GTF2H5: variants seen among roughly 807,000 people sequenced by gnomAD.
The protein encoded by GTF2H5 is TFB5 ortholog.
A neutral mutation model predicts 7.1 loss-of-function variants in GTF2H5; 5 were observed. The ratio of observed to expected loss-of-function variants is 0.71; its 90% CI spans 0.37 to 1.49. The LOEUF is 1.49. GTF2H5 is among the 40% of genes most tolerant of loss of function. The probability of loss-of-function intolerance (pLI) is 0.03; values close to 1 mark genes in which losing one functional copy is unlikely to be tolerated. For missense variants in GTF2H5, 80 were observed against 83.0 expected (o/e 0.96, Z 0.14); for synonymous variants, 30 against 31.7 (o/e 0.95, Z 0.18).
chr6:158,194,006 A>G lies in GTF2H5; in HGVS notation c.*1849A>G, dbSNP rs1777069138. The G allele has an allele frequency of 6.6e-6, 1 of 151,876 alleles. No individual in the cohort carries two copies. The allele number at this position is 151,876 out of a possible 1,614,324, so 9.4% of individuals were successfully genotyped here. On this transcript the variant is annotated 3_prime_UTR_variant, in exon 3 of 3. Coordinates refer to ENST00000607778, the MANE Select transcript of GTF2H5 (RefSeq NM_207118.3). Reference sequence around the variant, plus strand: ...TCCATCTCAAAAAAAAAAAAAAAAAAAAATGAATTTCCAGCTATACCAAAA... The same window carrying G: ...TCCATCTCAAAAAAAAAAAAAAAAAGAAATGAATTTCCAGCTATACCAAAA...
At position 158,196,121 on chromosome 6, in the gene GTF2H5, A is replaced by C. The variant is rs2128432918; in HGVS notation, c.*3964A>C. The C allele has an allele frequency of 6.6e-6, 1 of 152,352 alleles. No homozygotes were observed. The highest frequency in any genetic ancestry group is 1.9e-4 in the East Asian group (1 of 5,176). 9.4% of individuals were successfully genotyped at this position (152,352 alleles called of 1,614,324 possible). On this transcript the variant is annotated 3_prime_UTR_variant, in exon 3 of 3. Coordinates refer to ENST00000607778, the MANE Select transcript of GTF2H5 (RefSeq NM_207118.3). The stretch of plus-strand genomic sequence containing the variant: ...AAGGTGAAACCCCGTCTCTACTAAA[A>C]ATACAAAAAAATTAGCTGGGCATGG...
chr6:158,193,750 T>C lies in GTF2H5; in HGVS notation c.*1593T>C, dbSNP rs1343512281. The C allele has an allele frequency of 6.6e-6, 1 of 152,124 alleles. No individual in the cohort carries two copies. Among genetic ancestry groups the C allele is most frequent in the African/African-American group, 2.4e-5 (1 of 41,416 alleles). The allele number at this position is 152,124 out of a possible 1,614,324, so 9.4% of individuals were successfully genotyped here. A position where few individuals can be genotyped will look rare whatever the true frequency, so the allele number is the denominator to read the frequency against. ...TGGCTCACGCCTGTAATCCCAGCAC[T>C]TTGGGAGGCTGAGGCAGGCAGCTCA... On this transcript the variant is annotated 3_prime_UTR_variant, in exon 3 of 3. Transcript: ENST00000607778.
At chr6:158,181,708 T>C (rs1786012895) in intron 2 of GTF2H5, among the ~76,000 whole-genome samples, 1 of 152,176 alleles carries the variant, frequency 6.6e-6, no homozygotes, top group Non-Finnish European at 1.5e-5. Flanking sequence ...CTGCTTTTTT[T>C]TTTTGCTTTG....
intron 1 of GTF2H5, among the ~76,000 whole-genome samples, chr6:158,169,654 C>CATATAATATATTGTATATTATATAAT (rs1785778589): frequency 2.5e-5 from 1 of 40,120 alleles, no homozygotes; most frequent in Non-Finnish European, 3.9e-5. Context: ...TTGTATATTA[C>CATATAATATATTGTATATTATATAAT]ATATAATATA....
Position 158,170,525 on chromosome 6 carries a change from G to A in GTF2H5, c.22G>A (p.Val8Met). ...AAACATGGTCAACGTCTTGAAAGGA[G>A]TGCTTATAGAATGGTTAGTAGTTTT... MVNVLKG[V>M]LIECDPAMKQ... The change falls in exon 2 of 3, where the codon GTG becomes ATG. Residue 8 changes from valine to methionine, a missense_variant. Val to Met is a conservative substitution (Grantham distance 21). Transcript: ENST00000607778. 1.2e-6 allele frequency: 2 copies of A among 1,609,236 alleles called. No homozygotes were observed. Among genetic ancestry groups the A allele is most frequent in the South Asian group, 1.1e-5 (1 of 91,010 alleles).
At chr6:158,181,486 T>C (rs1244485396) in intron 2 of GTF2H5, among the ~76,000 whole-genome samples, 1 of 152,134 alleles carries the variant, frequency 6.6e-6, no homozygotes, top group Non-Finnish European at 1.5e-5. Flanking sequence ...AAGTCTCCTG[T>C]TATTATTGTG....
chr6:158,169,354 T>G (rs1444015361), intron 1 of GTF2H5, among the ~76,000 whole-genome samples: 1 of 85,854 alleles, frequency 1.2e-5, no homozygotes, highest in Non-Finnish European at 2.2e-5. Flanking sequence ...ATATTATATA[T>G]AATACATATA....
In GTF2H5 at chr6:158,169,673, T is replaced by TGTATA. The variant is rs1785782149; in HGVS notation, c.-34-797_-34-796insGTATA. Among the ~76,000 whole-genome samples, 6 of 41,098 alleles carry TGTATA rather than the reference T, an allele frequency of 1.5e-4. 2 individuals are homozygous for TGTATA. Among genetic ancestry groups the TGTATA allele is most frequent in the African/African-American group, 7.0e-4 (6 of 8,518 alleles). The allele number at this position is 41,098 out of a possible 152,430, so 27.0% of individuals were successfully genotyped here. ...ATATTACATATAATATATTGTATAT[T>TGTATA]ATATAATATATAATATATATTATAT... On this transcript the variant is annotated intron_variant, in intron 1 of 2. Transcript: ENST00000607778.
chr6:158,198,112 T>C lies in GTF2H5; in HGVS notation c.*5955T>C, dbSNP rs979313213. ...AAGAGTACAATGATAAAGGGGAAGA[T>C]AGAAACACACACATATGCGTTGTTT... On this transcript the variant is annotated 3_prime_UTR_variant, in exon 3 of 3. Transcript: ENST00000607778. 5 of 152,192 alleles carry C rather than the reference T, an allele frequency of 3.3e-5. No homozygotes were observed. Among genetic ancestry groups the C allele is most frequent in the African/African-American group, 1.2e-4 (5 of 41,446 alleles). The allele number at this position is 152,192 out of a possible 1,614,324, so 9.4% of individuals were successfully genotyped here.
chr6:158,169,679 A>ATGTATAT lies in GTF2H5; in HGVS notation c.-34-790_-34-789insGTATATT, dbSNP rs1491133424. ...CATATAATATATTGTATATTATATA[A>ATGTATAT]TATATAATATATATTATATAATATA... On this transcript the variant is annotated intron_variant, in intron 1 of 2. Transcript: ENST00000607778. Among the ~76,000 whole-genome samples, 14 of 39,868 alleles carry ATGTATAT rather than the reference A, an allele frequency of 3.5e-4. 2 individuals carry two copies. Among genetic ancestry groups the ATGTATAT allele is most frequent in the East Asian group, 2.3e-3 (2 of 868 alleles). The allele number at this position is 39,868 out of a possible 152,430, so 26.2% of individuals were successfully genotyped here. A position where few individuals can be genotyped will look rare whatever the true frequency, so the allele number is the denominator to read the frequency against.
chr6:158,182,884 G>A lies in GTF2H5; in HGVS notation c.36-9093G>A, dbSNP rs138864369. ...TTCTGAAGCCAACTTCTGTCATCTCGTCAAACTCATTCTCCATCCAGTTTT... is the reference window on the plus strand; with the variant it reads ...TTCTGAAGCCAACTTCTGTCATCTCATCAAACTCATTCTCCATCCAGTTTT... On this transcript the variant is annotated intron_variant, in intron 2 of 2. Transcript: ENST00000607778. Among the ~76,000 whole-genome samples the A allele has an allele frequency of 3.7e-3, 556 of 152,050 alleles. 3 individuals carry two copies. The highest frequency in any genetic ancestry group is 0.013 in the African/African-American group (530 of 41,452).
intron 2 of GTF2H5, among the ~76,000 whole-genome samples, chr6:158,171,217 T>C (rs1785851851): frequency 2.0e-5 from 3 of 152,224 alleles, no homozygotes; most frequent in Admixed American, 2.0e-4. Context: ...CTTACATTTT[T>C]TCTAGCCATC....
chr6:158,197,857 C>CTGT lies in GTF2H5; in HGVS notation c.*5702_*5704dup, dbSNP rs1418197674. ...TCTTAAAAAAATCCCTGAAGGGCAC[C>CTGT]TGTTTTTCTTCAGCTAATAAAAAAG... is the stretch of plus-strand genomic sequence containing the variant. On this transcript the variant is annotated 3_prime_UTR_variant, in exon 3 of 3. Coordinates refer to ENST00000607778, the MANE Select transcript of GTF2H5 (RefSeq NM_207118.3). 1.3e-5 allele frequency: 2 copies of CTGT among 152,136 alleles called. No individual in the cohort carries two copies. The highest frequency in any genetic ancestry group is 3.8e-4 in the East Asian group (2 of 5,200). The allele number at this position is 152,136 out of a possible 1,614,324, so 9.4% of individuals were successfully genotyped here. A position where few individuals can be genotyped will look rare whatever the true frequency, so the allele number is the denominator to read the frequency against.
In GTF2H5 at chr6:158,196,086, C is replaced by T. The variant is rs1202006818; in HGVS notation, c.*3929C>T. 6.6e-6 allele frequency: 1 copy of T among 152,130 alleles called. No individual in the cohort carries two copies. Among genetic ancestry groups the T allele is most frequent in the Admixed American group, 6.6e-5 (1 of 15,260 alleles). 9.4% of individuals were successfully genotyped at this position (152,130 alleles called of 1,614,324 possible). On this transcript the variant is annotated 3_prime_UTR_variant, in exon 3 of 3. Transcript: ENST00000607778. ...CACAAGGTCAGGAGATCAAAACAATCCTGGCTAACAAGGTGAAACCCCGTC... is the reference window on the plus strand; with the variant it reads ...CACAAGGTCAGGAGATCAAAACAATTCTGGCTAACAAGGTGAAACCCCGTC...
chr6:158,171,344 G>C (rs2082505473), intron 2 of GTF2H5, among the ~76,000 whole-genome samples: 2 of 152,192 alleles, frequency 1.3e-5, no homozygotes, highest in Non-Finnish European at 2.9e-5. Context: ...CATCTTCAAA[G>C]TCGAATGGAT....
At chr6:158,183,885 C>T (rs918594462) in intron 2 of GTF2H5, among the ~76,000 whole-genome samples, 13 of 152,242 alleles carry the variant, frequency 8.5e-5, no homozygotes, top group African/African-American at 2.4e-4. Flanking sequence ...TGCCCTGCTT[C>T]GGCTCGCCCT....
chr6:158,175,995 C>T (rs1785927835), intron 2 of GTF2H5, among the ~76,000 whole-genome samples: 2 of 152,186 alleles, frequency 1.3e-5, no homozygotes, highest in South Asian at 4.1e-4. Context: ...ATGTGCTATA[C>T]TAAGCACTTG....
At position 158,196,996 on chromosome 6, in the gene GTF2H5, A is replaced by T. The variant is rs1777123503; in HGVS notation, c.*4839A>T. 1 of 152,228 alleles carries T rather than the reference A, an allele frequency of 6.6e-6. No individual in the cohort carries two copies. Among genetic ancestry groups the T allele is most frequent in the Admixed American group, 6.5e-5 (1 of 15,290 alleles). 9.4% of individuals were successfully genotyped at this position (152,228 alleles called of 1,614,324 possible). On this transcript the variant is annotated 3_prime_UTR_variant, in exon 3 of 3. Transcript: ENST00000607778. ...CACACTTTCCACTCAATGGATACCAAAACCATCCAGCCCAGGTCAGCTGCA... is the reference window on the plus strand; with the variant it reads ...CACACTTTCCACTCAATGGATACCATAACCATCCAGCCCAGGTCAGCTGCA...
rs181052543 is a variant in GTF2H5 at position 158,182,243 on chromosome 6, C to T, written c.36-9734C>T. On this transcript the variant is annotated intron_variant, in intron 2 of 2. Transcript: ENST00000607778. ...CTTGTAGGGTTTATGCGGAGCGATC[C>T]GCTGTTAGTCTGATGGGCTTCCCTT... Among the ~76,000 whole-genome samples, 1,117 of 152,328 alleles carry T rather than the reference C, an allele frequency of 7.3e-3. 8 individuals are homozygous for T. The highest frequency in any genetic ancestry group is 0.012 in the Non-Finnish European group (806 of 68,032).
Sources: allele counts gnomAD v4.1 joint callset (sites outside exome capture counted in the v4.1 genomes callset), GRCh38; gene constraint gnomAD v4.1.1; transcripts MANE v1.5; gene names NCBI Gene and HGNC (gene_info 2026-07-23, HGNC 2026-07-21).